The following NIPA1 variants were observed in gnomAD, a reference collection of about 807,000 sequenced individuals.
The protein encoded by NIPA1 is NIPA magnesium transporter 1, also known as magnesium transporter NIPA1.
A neutral mutation model predicts 23.9 loss-of-function variants in NIPA1; 13 were observed. The observed-to-expected ratio is 0.54, with a 90% CI of 0.35 to 0.87. The LOEUF (loss-of-function observed/expected upper bound fraction) is 0.87. Ranked by LOEUF, NIPA1 falls within the 40% of genes least tolerant of loss-of-function variation. The pLI, the probability that NIPA1 is intolerant of heterozygous loss-of-function variation, is 0.01. For missense variants in NIPA1, 362 were observed against 429.7 expected (o/e 0.84, Z 1.39); for synonymous variants, 234 against 202.9 (o/e 1.15, Z -1.30).
At chr15:22,804,227 C>T (rs1895152964) in intron 1 of NIPA1, among the ~76,000 whole-genome samples, 1 of 152,052 alleles carries the variant, frequency 6.6e-6, no homozygotes, top group South Asian at 2.1e-4. Context: ...ATTCACCCAC[C>T]TCAGCCTCCC....
At chr15:22,812,089 CG>C in intron 2 of NIPA1, 73 bp from the exon 3 acceptor site, 1 of 1,105,746 alleles carries the variant, frequency 9.0e-7, no homozygotes, top group East Asian at 2.5e-5. Flanking sequence ...CAGAGCCTAG[CG>C]TAATTCAACT....
intron 2 of NIPA1, among the ~76,000 whole-genome samples, chr15:22,811,581 C>G (rs12909031): frequency 0.73 from 111,157 of 152,086 alleles, 42,216 homozygotes; most frequent in African/African-American, 0.93. Flanking sequence ...TCCAGCCTGG[C>G]TGACAGAGTG....
intron 1 of NIPA1, among the ~76,000 whole-genome samples, chr15:22,795,665 T>C (rs879348308): frequency 3.0e-4 from 45 of 152,106 alleles, no homozygotes; most frequent in Non-Finnish European, 8.8e-5. Flanking sequence ...GGTGGAAGCT[T>C]GGTGGATCCT....
intron 1 of NIPA1, among the ~76,000 whole-genome samples, chr15:22,802,115 C>T (rs1311326768): frequency 3.9e-5 from 6 of 152,064 alleles, no homozygotes; most frequent in South Asian, 2.1e-4. Flanking sequence ...AATTAAGGGT[C>T]GGGCACGGTG....
At chr15:22,806,124 C>T (rs181644953) in intron 1 of NIPA1, among the ~76,000 whole-genome samples, 107 of 152,250 alleles carry the variant, frequency 7.0e-4, no homozygotes, top group African/African-American at 2.4e-3. Context: ...GGGGTTTCAC[C>T]GTGTTAGCCA....
Position 22,826,511 on chromosome 15 carries a change from C to G in NIPA1, c.*2272C>G, listed in dbSNP as rs934121163. On this transcript the variant is annotated 3_prime_UTR_variant, in exon 5 of 5. Coordinates refer to ENST00000337435, the MANE Select transcript of NIPA1 (RefSeq NM_144599.5). ...ATATTCAAAGAATACATGTGGCTAA[C>G]AAGTGTAATGAGAAAGTTCATGTGT... 3 of 152,028 alleles carry G rather than the reference C, an allele frequency of 2.0e-5. No homozygotes were observed. The highest frequency in any genetic ancestry group is 1.3e-4 in the Admixed American group (2 of 15,274). The allele number at this position is 152,028 out of a possible 1,614,324, so 9.4% of individuals were successfully genotyped here.
At chr15:22,813,467 C>T (rs1005398949) in intron 3 of NIPA1, among the ~76,000 whole-genome samples, 9 of 151,980 alleles carry the variant, frequency 5.9e-5, no homozygotes, top group South Asian at 2.1e-4. Context: ...TTACTTACTG[C>T]GAAAATGATT....
At chr15:22,801,704 A>T (rs1895086056) in intron 1 of NIPA1, among the ~76,000 whole-genome samples, 1 of 151,696 alleles carries the variant, frequency 6.6e-6, no homozygotes, top group Admixed American at 6.6e-5. Flanking sequence ...TTTAGTAGAG[A>T]CGGGGTTTCA....
intron 3 of NIPA1, chr15:22,813,985 C>G (rs1895367193): frequency 1.9e-6 from 1 of 539,292 alleles, no homozygotes; most frequent in African/African-American, 1.9e-5. Flanking sequence ...TGCACATATA[C>G]TAAAATGTTT....
chr15:22,804,577 C>T (rs1895162702), intron 1 of NIPA1, among the ~76,000 whole-genome samples: 1 of 152,108 alleles, frequency 6.6e-6, no homozygotes, highest in Non-Finnish European at 1.5e-5. Context: ...TAGAGCTTCA[C>T]AGCTTTAGTG....
chr15:22,817,577 T>C lies in NIPA1; in HGVS notation c.318-2736T>C, dbSNP rs537541892. On this transcript the variant is annotated intron_variant, in intron 3 of 4. Coordinates refer to ENST00000337435, the MANE Select transcript of NIPA1 (RefSeq NM_144599.5). ...CAGCACTTTGGGAGGCTGAGGTGGG[T>C]GGATCACGAGGTCAGGAGATCAAGA... 1.3e-3 allele frequency among the ~76,000 whole-genome samples: 189 copies of C among 148,710 alleles called. 2 individuals are homozygous for C. The highest frequency in any genetic ancestry group is 3.0e-3 in the Admixed American group (45 of 14,912).
chr15:22,810,193 T>G (rs1595640162), intron 1 of NIPA1, among the ~76,000 whole-genome samples: 1 of 151,738 alleles, frequency 6.6e-6, no homozygotes, highest in Non-Finnish European at 1.5e-5. Context: ...GTGGGATGGG[T>G]GGGGTAACCT....
rs1566786330 is a variant in NIPA1 at position 22,816,485 on chromosome 15, C to CTTTTTTTT, written c.318-3828_318-3827insTTTTTTTT. ...TACAGGTGTGAGCCACCGCACCCAGCCTTTTTTTTTTTTTTTTTTTTTTTC... is the reference window on the plus strand; with the variant it reads ...TACAGGTGTGAGCCACCGCACCCAGCTTTTTTTTCTTTTTTTTTTTTTTTTTTTTTTTC... On this transcript the variant is annotated intron_variant, in intron 3 of 4. Transcript: ENST00000337435. Among the ~76,000 whole-genome samples, 4 of 52,678 alleles carry CTTTTTTTT rather than the reference C, an allele frequency of 7.6e-5. 1 individual carries two copies. Among genetic ancestry groups the CTTTTTTTT allele is most frequent in the Non-Finnish European group, 1.6e-4 (4 of 24,274 alleles). The allele number at this position is 52,678 out of a possible 152,430, so 34.6% of individuals were successfully genotyped here.
chr15:22,821,324 A>G (rs1895534719), intron 4 of NIPA1, among the ~76,000 whole-genome samples: 1 of 152,210 alleles, frequency 6.6e-6, no homozygotes, highest in Non-Finnish European at 1.5e-5. Flanking sequence ...ACAGACTTAA[A>G]GTATAGATTT....
chr15:22,816,121 G>A (rs934312294), intron 3 of NIPA1, among the ~76,000 whole-genome samples: 21 of 151,066 alleles, frequency 1.4e-4, no homozygotes, highest in African/African-American at 4.4e-4. Flanking sequence ...AAATTAAAAG[G>A]CATCCATATT....
intron 4 of NIPA1, among the ~76,000 whole-genome samples, chr15:22,821,665 A>G (rs991560080): frequency 4.4e-5 from 6 of 137,630 alleles, no homozygotes; most frequent in Middle Eastern, 3.6e-3. Flanking sequence ...TTGCAAGTCC[A>G]CACTCGCTGG....
intron 3 of NIPA1, among the ~76,000 whole-genome samples, chr15:22,814,993 A>G (rs1895388307): frequency 6.6e-6 from 1 of 152,072 alleles, no homozygotes; most frequent in Non-Finnish European, 1.5e-5. Flanking sequence ...TGCCAGTAGC[A>G]CTCAACCTCC....
At chr15:22,809,520 G>T (rs1280785060) in intron 1 of NIPA1, among the ~76,000 whole-genome samples, 2 of 152,112 alleles carry the variant, frequency 1.3e-5, no homozygotes, top group East Asian at 3.8e-4. Flanking sequence ...TGAGGCAGGC[G>T]GATCACCTGA....
chr15:22,813,504 A>G (rs1345262293), intron 3 of NIPA1: 1 of 385,158 alleles, frequency 2.6e-6, no homozygotes, highest in Non-Finnish European at 5.1e-6. Flanking sequence ...AATAACATAT[A>G]TCCTCGTGTG....
Sources: gnomAD v4.1 joint callset for allele counts (sites outside exome capture counted in the v4.1 genomes callset) on GRCh38, gnomAD v4.1.1 for gene constraint, MANE v1.5 for transcripts, NCBI Gene and HGNC (gene_info 2026-07-23, HGNC 2026-07-21) for gene names.